GADL1: variants seen among roughly 807,000 people sequenced by gnomAD.
GADL1 encodes the protein GAD like acidic amino acid decarboxylase 1.
In GADL1, 71 loss-of-function variants were observed where a neutral mutation model predicts 69.5. That is an observed-to-expected ratio of 1.02 (90% confidence interval 0.84 to 1.25). The LOEUF (loss-of-function observed/expected upper bound fraction) is 1.25, where lower values mean the gene tolerates loss of function less well. GADL1 is among the 50% of genes most tolerant of loss of function. The probability of loss-of-function intolerance (pLI) is 0.00; values close to 1 mark genes in which losing one functional copy is unlikely to be tolerated. For missense variants in GADL1, 737 were observed against 631.8 expected (o/e 1.17, Z -1.79); for synonymous variants, 254 against 214.4 (o/e 1.18, Z -1.62).
intron 1 of GADL1, among the ~76,000 whole-genome samples, chr3:30,879,362 C>T (rs1698614652): frequency 6.6e-6 from 1 of 151,826 alleles, no homozygotes; most frequent in South Asian, 2.1e-4. Flanking sequence ...CTGGGAGGAC[C>T]AAGGGTACTC....
At chr3:30,805,734 CTTT>C (rs34788058) in intron 11 of GADL1, among the ~76,000 whole-genome samples, 31 of 66,086 alleles carry the variant, frequency 4.7e-4, no homozygotes, top group East Asian at 2.8e-3. Context: ...AGTCCCCAGC[CTTT>C]TTTTTTTTTT....
chr3:30,753,509 CT>C (rs67495972), intron 14 of GADL1, among the ~76,000 whole-genome samples: 64,778 of 151,750 alleles, frequency 0.43, 14,359 homozygotes, highest in African/African-American at 0.53. Context: ...AGGATAGTTT[CT>C]TTGTAGAAAG....
At position 30,727,821 on chromosome 3, in the gene GADL1, C is replaced by G. The variant is rs1470700530; in HGVS notation, c.*421G>C. The G allele has an allele frequency of 1.3e-5, 2 of 153,332 alleles. No individual in the cohort carries two copies. The highest frequency in any genetic ancestry group is 3.8e-4 in the East Asian group (2 of 5,222). The allele number at this position is 153,332 out of a possible 1,614,324, so 9.5% of individuals were successfully genotyped here. ...TCTGATCCAGTTGGTCTAGAGAAAG[C>G]CTGAGAATCTGCATTTTTAGCAAGT... On this transcript the variant is annotated 3_prime_UTR_variant, in exon 15 of 15. Transcript: ENST00000282538.
chr3:30,862,136 T>A (rs1041816548), intron 1 of GADL1, among the ~76,000 whole-genome samples: 4 of 151,820 alleles, frequency 2.6e-5, no homozygotes, highest in Non-Finnish European at 5.9e-5. Context: ...TGAAAAAAAA[T>A]GTTTTCCATA....
intron 14 of GADL1, among the ~76,000 whole-genome samples, chr3:30,767,321 A>G (rs180803974): frequency 1.3e-5 from 2 of 152,326 alleles, no homozygotes; most frequent in Admixed American, 1.3e-4. Context: ...AAAGAATGCT[A>G]TTTTACAAAA....
At position 30,778,257 on chromosome 3, in the gene GADL1, G is replaced by A; in HGVS notation, c.1314C>T (p.Ala438=). Residue 438 remains alanine (A), a synonymous_variant, in exon 14 of 15, where the codon GCC becomes GCT. Coordinates refer to ENST00000282538, the MANE Select transcript of GADL1 (RefSeq NM_207359.3). ...GTGGAATGTACCAAAAGCAAATATT[G>A]GCATATTCAGGCTGAGAATTAGAAA... The part of the protein sequence containing the change: ...GFKLLMEPEY[A]NICFWYIPPS... 3 of 1,600,670 alleles carry A rather than the reference G, an allele frequency of 1.9e-6. No individual in the cohort carries two copies. Among genetic ancestry groups the A allele is most frequent in the Non-Finnish European group, 1.7e-6 (2 of 1,169,178 alleles).
At chr3:30,750,733 G>A (rs1229600405) in intron 14 of GADL1, among the ~76,000 whole-genome samples, 5 of 151,912 alleles carry the variant, frequency 3.3e-5, no homozygotes, top group Non-Finnish European at 7.4e-5. Flanking sequence ...ATACGTATAT[G>A]TAATTTGTCC....
chr3:30,870,060 G>A (rs1339148320), intron 1 of GADL1, among the ~76,000 whole-genome samples: 1 of 151,866 alleles, frequency 6.6e-6, no homozygotes, highest in East Asian at 1.9e-4. Flanking sequence ...CTTATATTTA[G>A]TGCCTATTAT....
At chr3:30,813,570 A>G (rs926034629) in intron 11 of GADL1, among the ~76,000 whole-genome samples, 3 of 152,202 alleles carry the variant, frequency 2.0e-5, no homozygotes, top group African/African-American at 7.2e-5. Context: ...TTTACATTTC[A>G]ATTTTACCTG....
At chr3:30,876,562 A>C (rs1429234868) in intron 1 of GADL1, among the ~76,000 whole-genome samples, 1 of 151,974 alleles carries the variant, frequency 6.6e-6, no homozygotes, top group Admixed American at 6.6e-5. Context: ...AAGTTCATCA[A>C]TTGAAAAAAT....
intron 2 of GADL1, among the ~76,000 whole-genome samples, chr3:30,857,990 A>T (rs1464185736): frequency 6.6e-6 from 1 of 152,030 alleles, no homozygotes; most frequent in Non-Finnish European, 1.5e-5. Context: ...CTTTCTCAAC[A>T]ACAGCAATCC....
chr3:30,766,871 G>A (rs1465075991), intron 14 of GADL1, among the ~76,000 whole-genome samples: 1 of 152,208 alleles, frequency 6.6e-6, no homozygotes, highest in Non-Finnish European at 1.5e-5. Flanking sequence ...GTGACATATT[G>A]AGAGTTGGAC....
intron 14 of GADL1, among the ~76,000 whole-genome samples, chr3:30,754,711 G>A (rs928600264): frequency 2.3e-4 from 35 of 152,168 alleles, no homozygotes; most frequent in African/African-American, 1.9e-4. Context: ...TCTAAAAGCC[G>A]TGGCTGACAG....
At chr3:30,819,882 A>G (rs1337540026) in intron 11 of GADL1, among the ~76,000 whole-genome samples, 1 of 152,118 alleles carries the variant, frequency 6.6e-6, no homozygotes, top group East Asian at 1.9e-4. Context: ...CAACTAGAGC[A>G]GAAAATTAAT....
intron 11 of GADL1, among the ~76,000 whole-genome samples, chr3:30,818,402 T>C (rs1403949394): frequency 6.6e-6 from 1 of 152,212 alleles, no homozygotes; most frequent in Admixed American, 6.5e-5. Flanking sequence ...CCATTACTTC[T>C]AATGCATAAT....
intron 8 of GADL1, among the ~76,000 whole-genome samples, chr3:30,841,598 G>A (rs1697967344): frequency 6.6e-6 from 1 of 152,094 alleles, no homozygotes; most frequent in African/African-American, 2.4e-5. Flanking sequence ...GTTTCCTTAG[G>A]GAAACAAAAT....
chr3:30,752,625 A>G (rs2125478761), intron 14 of GADL1, among the ~76,000 whole-genome samples: 1 of 152,262 alleles, frequency 6.6e-6, no homozygotes, highest in South Asian at 2.1e-4. Context: ...TTCCCCTTAA[A>G]TATCGTTACA....
rs1432381234 is a variant in GADL1 at position 30,849,993 on chromosome 3, T to TA, written c.651+2dup. ...TATATTCAATACCAAAAATAATTTT[T>TA]ACCTCTGCAGATGTGAAAAGGATTA... On this transcript the variant is annotated splice_region_variant and intron_variant, in intron 6 of 14. Coordinates refer to ENST00000282538, the MANE Select transcript of GADL1 (RefSeq NM_207359.3). 6.6e-7 allele frequency: 1 copy of TA among 1,521,894 alleles called. No individual in the cohort carries two copies. 94.3% of individuals were successfully genotyped at this position (1,521,894 alleles called of 1,614,324 possible). A position where few individuals can be genotyped will look rare whatever the true frequency, so the allele number is the denominator to read the frequency against.
intron 9 of GADL1, 74 bp downstream of exon 9, chr3:30,838,923 G>A: frequency 2.2e-6 from 2 of 890,998 alleles, no homozygotes; most frequent in South Asian, 1.7e-5. Flanking sequence ...TAGTTTCTGA[G>A]AATAAGAAAA....
Sources: allele counts gnomAD v4.1 joint callset (sites outside exome capture counted in the v4.1 genomes callset), GRCh38; gene constraint gnomAD v4.1.1; transcripts MANE v1.5; gene names NCBI Gene and HGNC (gene_info 2026-07-23, HGNC 2026-07-21).